The following RAD52 variants were observed in gnomAD, a reference collection of about 807,000 sequenced individuals.
RAD52 encodes the protein DNA repair protein RAD52 homolog.
Under a neutral mutation model 55.5 loss-of-function variants are expected in RAD52, and 47 were observed. The ratio of observed to expected loss-of-function variants is 0.85; its 90% CI spans 0.67 to 1.08. RAD52 has a LOEUF of 1.08. Among genes scored for constraint, RAD52 ranks in the 50% least tolerant of loss-of-function variants. The pLI, the probability that RAD52 is intolerant of heterozygous loss-of-function variation, is 0.00. For synonymous variants in RAD52, 184 were observed against 198.9 expected, an observed-to-expected ratio of 0.92 and a Z score of 0.63; for missense variants, 468 against 522.8, an observed-to-expected ratio of 0.90 and a Z score of 1.02.
At chr12:940,075 A>C (rs1198773948) in intron 1 of RAD52, among the ~76,000 whole-genome samples, 1 of 145,810 alleles carries the variant, frequency 6.9e-6, no homozygotes, top group Non-Finnish European at 1.5e-5. Flanking sequence ...ACTCTGTCTC[A>C]AAAAAAAAAA....
At chr12:947,602 C>T (rs1958311092) in intron 1 of RAD52, among the ~76,000 whole-genome samples, 1 of 147,898 alleles carries the variant, frequency 6.8e-6, no homozygotes, top group Non-Finnish European at 1.5e-5. Context: ...AAACAAAACT[C>T]CCACCCAGGC....
chr12:919,556 C>T (rs911338440), intron 7 of RAD52, among the ~76,000 whole-genome samples: 4 of 151,946 alleles, frequency 2.6e-5, no homozygotes, highest in Admixed American at 1.3e-4. Context: ...TTGAGACCAG[C>T]CTGGCCAACA....
upstream of RAD52, among the ~76,000 whole-genome samples, chr12:954,367 C>T (rs1042670313): frequency 1.3e-5 from 2 of 152,224 alleles, no homozygotes; most frequent in Non-Finnish European, 2.9e-5. Context: ...CGCGGTGGCT[C>T]ACGCCTGTAA....
intron 1 of RAD52, among the ~76,000 whole-genome samples, chr12:972,093 C>G (rs1298367234): frequency 3.9e-5 from 6 of 152,040 alleles, no homozygotes; most frequent in Non-Finnish European, 7.4e-5. Context: ...GGAATAAGCA[C>G]AAATCTTGAG....
At chr12:976,040 C>G (rs141888615) in intron 1 of RAD52, 4 of 152,394 alleles carry the variant, frequency 2.6e-5, no homozygotes, top group African/African-American at 7.2e-5. Context: ...AGCCCCAGGG[C>G]TGGGCGCAGT....
At chr12:927,527 A>G (rs574650140) in intron 5 of RAD52, among the ~76,000 whole-genome samples, 1 of 151,842 alleles carries the variant, frequency 6.6e-6, no homozygotes, top group South Asian at 2.1e-4. Flanking sequence ...TTAGAAACTC[A>G]CCCCAAATCC....
intron 1 of RAD52, among the ~76,000 whole-genome samples, chr12:966,526 G>T (rs186751579): frequency 6.6e-6 from 1 of 151,774 alleles, no homozygotes; most frequent in African/African-American, 2.4e-5. Flanking sequence ...TGTTTAAGCC[G>T]TTACTCCATT....
intron 1 of RAD52, among the ~76,000 whole-genome samples, chr12:987,130 CTGGCTAATT>C (rs1398242963): frequency 2.6e-5 from 4 of 151,968 alleles, no homozygotes; most frequent in South Asian, 2.1e-4. Flanking sequence ...GCCATCATGC[CTGGCTAATT>C]TTTGTATTTT....
chr12:916,690 G>T lies in RAD52; in HGVS notation c.674C>A (p.Pro225His). 1 of 1,614,148 alleles carries T rather than the reference G, an allele frequency of 6.2e-7. No homozygotes were observed. Among genetic ancestry groups the T allele is most frequent in the Non-Finnish European group, 8.5e-7 (1 of 1,180,006 alleles). ...GHPQLQQVTS[P>H]SRPSHAVIPA... ...TATCACAGCATGGCTGGGTCTGGAA[G>T]GGGAGGTCACCTGCTGCAGCTGTGG... is the stretch of plus-strand genomic sequence containing the variant. Residue 225 changes from proline to histidine, a missense_variant, in exon 8 of 12, where the codon CCT (proline) becomes CAT (histidine). Coordinates refer to ENST00000358495, the MANE Select transcript of RAD52 (RefSeq NM_134424.4).
chr12:913,961 G>A lies in RAD52; in HGVS notation c.1128C>T (p.His376=). The A allele has an allele frequency of 6.2e-7, 1 of 1,614,156 alleles. No homozygotes were observed. Among genetic ancestry groups the A allele is most frequent in the Non-Finnish European group, 8.5e-7 (1 of 1,180,034 alleles). ...ATCCAGATTTTGCTTGTGGTTTCTG[G>A]TGGCAAACGCTGTGTGGAGTCCTGT... ...TQNRTPHSVC[H]QKPQAKSGSW... The change falls in exon 11 of 12, where the codon CAC becomes CAT. Residue 376 remains histidine, a synonymous_variant. Transcript: ENST00000358495.
chr12:960,753 C>T (rs1176856599), intron 1 of RAD52, among the ~76,000 whole-genome samples: 3 of 152,120 alleles, frequency 2.0e-5, no homozygotes, highest in Non-Finnish European at 4.4e-5. Context: ...AGATGTGAGC[C>T]ACCTTACCCA....
rs560820344 is a variant in RAD52, at chr12:928,735, T to C, written c.348+1084A>G. 1.1e-4 allele frequency among the ~76,000 whole-genome samples: 17 copies of C among 152,216 alleles called. No individual in the cohort carries two copies. The South Asian group carries it at 3.3e-3, about 30-fold the overall frequency. ...TGTTTTCTCTTCACCATAAACACAA[T>C]TGTCTGGTCAATTGTGTGTTAACAG... On this transcript the variant is annotated intron_variant, in intron 5 of 11. Coordinates refer to ENST00000358495, the MANE Select transcript of RAD52 (RefSeq NM_134424.4).
intron 1 of RAD52, chr12:974,787 A>T (rs1022962437): frequency 1.3e-5 from 2 of 152,222 alleles, no homozygotes; most frequent in African/African-American, 2.4e-5. Context: ...ATAACTTTAC[A>T]AATGAGTTAC....
At chr12:920,728 A>G (rs1054926943) in intron 7 of RAD52, among the ~76,000 whole-genome samples, 1 of 152,222 alleles carries the variant, frequency 6.6e-6, no homozygotes, top group African/African-American at 2.4e-5. Flanking sequence ...ACTTTCAATA[A>G]TAGATAAAAC....
chr12:932,582 G>A (rs1957377179), intron 2 of RAD52, among the ~76,000 whole-genome samples: 1 of 151,944 alleles, frequency 6.6e-6, no homozygotes, highest in Admixed American at 6.6e-5. Flanking sequence ...TGAATTTGAT[G>A]TCATACAAAT....
At chr12:943,398 A>G (rs936590601) in intron 1 of RAD52, among the ~76,000 whole-genome samples, 6 of 152,192 alleles carry the variant, frequency 3.9e-5, no homozygotes, top group East Asian at 1.9e-4. Flanking sequence ...GCTGGAGTGC[A>G]GTGGCACAAT....
intron 1 of RAD52, among the ~76,000 whole-genome samples, chr12:939,517 G>T (rs747983805): frequency 3.3e-5 from 5 of 152,130 alleles, no homozygotes; most frequent in Non-Finnish European, 5.9e-5. Flanking sequence ...TACCTGCATA[G>T]CCAAGATTAT....
At position 921,193 on chromosome 12, in the gene RAD52, T is replaced by C. The variant is rs575720381; in HGVS notation, c.543+4257A>G. Among the ~76,000 whole-genome samples, 6 of 151,554 alleles carry C rather than the reference T, an allele frequency of 4.0e-5. No homozygotes were observed. The South Asian group carries it at 8.3e-4, about 21-fold the overall frequency. On this transcript the variant is annotated intron_variant, in intron 7 of 11. Coordinates refer to ENST00000358495, the MANE Select transcript of RAD52 (RefSeq NM_134424.4). ...AAAAAAAGATCTCAAATCTACGCTA[T>C]ACCTCAAAGAACTAGAAAAAAAAAG...
chr12:957,430 C>T (rs1406487960), intron 1 of RAD52, among the ~76,000 whole-genome samples: 4 of 138,682 alleles, frequency 2.9e-5, no homozygotes, highest in African/African-American at 2.7e-5. Flanking sequence ...CATGCCATTG[C>T]GCTCCAGCCT....
Sources: gnomAD v4.1 joint callset for allele counts (sites outside exome capture counted in the v4.1 genomes callset) on GRCh38, gnomAD v4.1.1 for gene constraint, MANE v1.5 for transcripts, NCBI Gene and HGNC (gene_info 2026-07-23, HGNC 2026-07-21) for gene names.